PKP4: variants seen among roughly 807,000 people sequenced by gnomAD.
PKP4 encodes the protein plakophilin-4.
Under a neutral mutation model 145.1 loss-of-function variants are expected in PKP4, and 90 were observed. The ratio of observed to expected loss-of-function variants is 0.62; its 90% CI spans 0.52 to 0.74. The LOEUF is 0.74. PKP4 is among the 30% of genes least tolerant of loss of function. The probability of loss-of-function intolerance (pLI) is 0.00; values close to 1 mark genes in which losing one functional copy is unlikely to be tolerated. For synonymous variants in PKP4, 563 were observed against 577.2 expected (o/e 0.98, Z 0.35); for missense variants, 1,340 against 1,482.7 (o/e 0.90, Z 1.58).
chr2:158,669,643 T>C, intron 16 of PKP4, 77 bp from the exon 17 acceptor site: 1 of 1,175,916 alleles, frequency 8.5e-7, no homozygotes, highest in South Asian at 2.7e-5. Flanking sequence ...AGAGATTGCA[T>C]GCCACCAGAA....
At chr2:158,504,425 T>C (rs1405394471) in intron 1 of PKP4, among the ~76,000 whole-genome samples, 1 of 152,240 alleles carries the variant, frequency 6.6e-6, no homozygotes, top group Non-Finnish European at 1.5e-5. Context: ...CTGAGAATTA[T>C]CTGATTTATT....
At chr2:158,526,735 C>A (rs1303108791) in intron 1 of PKP4, among the ~76,000 whole-genome samples, 3 of 81,074 alleles carry the variant, frequency 3.7e-5, no homozygotes, top group East Asian at 3.8e-4. Context: ...TCTAGAAAAC[C>A]CCATTGTCTC....
intron 1 of PKP4, among the ~76,000 whole-genome samples, chr2:158,507,643 ATT>A (rs2041108952): frequency 6.6e-6 from 1 of 152,174 alleles, no homozygotes; most frequent in Admixed American, 6.5e-5. Context: ...TTAAAAAAGA[ATT>A]TCAGTTCTTT....
intron 17 of PKP4, among the ~76,000 whole-genome samples, chr2:158,670,864 T>C (rs1006066189): frequency 6.6e-6 from 1 of 152,206 alleles, no homozygotes; most frequent in African/African-American, 2.4e-5. Context: ...TGAAGGCTGC[T>C]TGTCATGGAG....
intron 2 of PKP4, among the ~76,000 whole-genome samples, chr2:158,535,421 CT>C (rs1430986982): frequency 6.6e-6 from 1 of 152,036 alleles, no homozygotes; most frequent in Non-Finnish European, 1.5e-5. Context: ...ATTATTATTA[CT>C]TTTTAGAGCT....
intron 1 of PKP4, among the ~76,000 whole-genome samples, chr2:158,521,774 C>A (rs981657664): frequency 1.3e-5 from 2 of 152,124 alleles, no homozygotes; most frequent in Admixed American, 6.5e-5. Context: ...AATATCTGTT[C>A]CAGTTTCATT....
At chr2:158,666,734 C>A in intron 16 of PKP4, 171 bp downstream of exon 16, 1 of 523,332 alleles carries the variant, frequency 1.9e-6, no homozygotes, top group Non-Finnish European at 3.2e-6. Flanking sequence ...TCTTTTTCAG[C>A]AGGAGGCAAG....
intron 7 of PKP4, 35 bp downstream of exon 7, chr2:158,625,462 G>C: frequency 6.6e-7 from 1 of 1,509,022 alleles, no homozygotes; most frequent in Non-Finnish European, 9.0e-7. Flanking sequence ...ATAAAACCCA[G>C]TGAGGAAATC....
chr2:158,469,893 T>G lies in PKP4; in HGVS notation c.-6+12675T>G, dbSNP rs1003817251. On this transcript the variant is annotated intron_variant, in intron 1 of 21. Coordinates refer to ENST00000389759, the MANE Select transcript of PKP4 (RefSeq NM_003628.6). ...AAGGTTTTTCTGTGATTACCTGTTA[T>G]GTCCTTCTCTGCCTGGTGAGCCCTT... Among the ~76,000 whole-genome samples, 12 of 152,214 alleles carry G rather than the reference T, an allele frequency of 7.9e-5. 2 individuals are homozygous for G. The highest frequency in any genetic ancestry group is 6.5e-4 in the Admixed American group (10 of 15,282).
In PKP4 at chr2:158,658,333, C is replaced by T. The variant is rs546249079; in HGVS notation, c.2093+19C>T. 84 of 1,475,416 alleles carry T rather than the reference C, an allele frequency of 5.7e-5. 2 individuals carry two copies. The South Asian group carries it at 9.4e-4, about 17-fold the overall frequency. 91.4% of individuals were successfully genotyped at this position (1,475,416 alleles called of 1,614,324 possible). Reference sequence around the variant, plus strand: ...GCCTAAGGTAAATTCTTTATTTCTTCTTTCCAGTTAATTCTGTGATTAAAT... The same window carrying T: ...GCCTAAGGTAAATTCTTTATTTCTTTTTTCCAGTTAATTCTGTGATTAAAT... On this transcript the variant is annotated intron_variant, in intron 12 of 21. Transcript: ENST00000389759.
intron 3 of PKP4, among the ~76,000 whole-genome samples, chr2:158,582,000 A>G (rs3771621): frequency 0.74 from 112,680 of 152,102 alleles, 42,636 homozygotes; most frequent in East Asian, 0.92. Flanking sequence ...CTTTCATCTG[A>G]AGTTGATGAA....
chr2:158,508,236 G>A (rs1314490987), intron 1 of PKP4, among the ~76,000 whole-genome samples: 3 of 151,650 alleles, frequency 2.0e-5, no homozygotes, highest in Admixed American at 2.0e-4. Context: ...ATGGTGGCAG[G>A]CACCTGTAAT....
chr2:158,485,823 C>T (rs529598418), intron 1 of PKP4, among the ~76,000 whole-genome samples: 1 of 152,156 alleles, frequency 6.6e-6, no homozygotes, highest in South Asian at 2.1e-4. Flanking sequence ...TAAGAATAGA[C>T]ATTAATTAGT....
At chr2:158,476,255 G>A (rs1462920824) in intron 1 of PKP4, among the ~76,000 whole-genome samples, 1 of 152,186 alleles carries the variant, frequency 6.6e-6, no homozygotes, top group African/African-American at 2.4e-5. Context: ...CACATGTACA[G>A]CGAAAAATGT....
In PKP4 at chr2:158,498,984, G is replaced by C. The variant is rs897818948; in HGVS notation, c.-5-34196G>C. Among the ~76,000 whole-genome samples, 52 of 152,128 alleles carry C rather than the reference G, an allele frequency of 3.4e-4. 1 individual carries two copies. The highest frequency in any genetic ancestry group is 7.2e-5 in the African/African-American group (3 of 41,428). On this transcript the variant is annotated intron_variant, in intron 1 of 21. Coordinates refer to ENST00000389759, the MANE Select transcript of PKP4 (RefSeq NM_003628.6). Reference sequence around the variant, plus strand: ...GTGCTCACCTAAGGATTAAGCCCACGGGGCTGGTGCATTAGCTCAGTGCTC... The same window carrying C: ...GTGCTCACCTAAGGATTAAGCCCACCGGGCTGGTGCATTAGCTCAGTGCTC...
At chr2:158,596,270 GT>G (rs2105832643) in intron 3 of PKP4, among the ~76,000 whole-genome samples, 1 of 152,298 alleles carries the variant, frequency 6.6e-6, no homozygotes, top group South Asian at 2.1e-4. Flanking sequence ...GAGAAATGCA[GT>G]TTGGAACTTA....
At chr2:158,460,430 C>G (rs1206186895) in intron 1 of PKP4, among the ~76,000 whole-genome samples, 1 of 152,050 alleles carries the variant, frequency 6.6e-6, no homozygotes, top group South Asian at 2.1e-4. Flanking sequence ...ATTTGAAACT[C>G]GCTTTAATTT....
In PKP4 at chr2:158,548,700, C is replaced by A. The variant is rs1257860516; in HGVS notation, c.132+15384C>A. 2.9e-5 allele frequency: 6 copies of A among 209,478 alleles called. No individual in the cohort carries two copies. In the East Asian group the frequency reaches 7.3e-4, roughly 26 times the overall value. 13.0% of individuals were successfully genotyped at this position (209,478 alleles called of 1,614,324 possible). A position where few individuals can be genotyped will look rare whatever the true frequency, so the allele number is the denominator to read the frequency against. ...TTCACCCCGGCCGTGGACCGCCAAG[C>A]AGCTACTCAGCTGCTTAAGCTGGCC... On this transcript the variant is annotated intron_variant, in intron 2 of 21. Coordinates refer to ENST00000389759, the MANE Select transcript of PKP4 (RefSeq NM_003628.6).
intron 2 of PKP4, among the ~76,000 whole-genome samples, chr2:158,554,934 A>G (rs2045964190): frequency 6.6e-6 from 1 of 152,142 alleles, no homozygotes; most frequent in South Asian, 2.1e-4. Context: ...TAATACTTGC[A>G]CAGTGCATGT....
Sources: gnomAD v4.1 joint callset for allele counts (sites outside exome capture counted in the v4.1 genomes callset) on GRCh38, gnomAD v4.1.1 for gene constraint, MANE v1.5 for transcripts, NCBI Gene and HGNC (gene_info 2026-07-23, HGNC 2026-07-21) for gene names.